Variants in C4orf51 observed in about 807,000 individuals in gnomAD.
C4orf51 encodes chromosome 4 open reading frame 51, also known as uncharacterized protein C4orf51.
A neutral mutation model predicts 25.2 loss-of-function variants in C4orf51; 25 were observed. The ratio of observed to expected loss-of-function variants is 0.99; its 90% confidence interval spans 0.72 to 1.39. The LOEUF (loss-of-function observed/expected upper bound fraction) is 1.39. C4orf51 is among the 40% of genes most tolerant of loss of function. The pLI is 0.00. For missense variants in C4orf51, 252 were observed against 239.6 expected, an observed-to-expected ratio of 1.05 and a Z score of -0.34; for synonymous variants, 100 against 84.5, an observed-to-expected ratio of 1.18 and a Z score of -1.01.
At chr4:145,774,434 G>C, downstream of C4orf51, 1 of 1,522,230 alleles carries the variant, frequency 6.6e-7, no homozygotes. Context: ...GGGATGCTTC[G>C]GCCAGGTGGC....
At chr4:145,770,715 A>T (rs985121937) in intron 1 of C4orf51, among the ~76,000 whole-genome samples, 2 of 152,218 alleles carry the variant, frequency 1.3e-5, no homozygotes, top group African/African-American at 4.8e-5. Context: ...TGATTGTATT[A>T]TATCCATGGA....
chr4:145,761,740 C>T lies in C4orf51; in HGVS notation n.167-9248C>T, dbSNP rs148827214. 1.8e-3 allele frequency: 817 copies of T among 454,690 alleles called. 7 individuals carry two copies. Among genetic ancestry groups the T allele is most frequent in the African/African-American group, 0.015 (743 of 48,464 alleles). 28.2% of individuals were successfully genotyped at this position (454,690 alleles called of 1,614,324 possible). A position where few individuals can be genotyped will look rare whatever the true frequency, so the allele number is the denominator to read the frequency against. ...GCCCAGCCCAGCCCAGCCCTGCCGC[C>T]TCTCAGGGGTGGAACGGCCCTTTTT... On this transcript the variant is annotated intron_variant and non_coding_transcript_variant, in intron 1 of 1. Coordinates refer to the C4orf51 transcript ENST00000510096. The surrounding 1 kb of genome is among the most constrained non-coding windows in gnomAD (Gnocchi z 6.8).
intron 1 of C4orf51, among the ~76,000 whole-genome samples, chr4:145,682,784 G>A (rs990688900): frequency 2.0e-5 from 3 of 152,140 alleles, no homozygotes; most frequent in Non-Finnish European, 4.4e-5. Flanking sequence ...TGAAATATTG[G>A]TGTCAATCCC....
At chr4:145,741,512 G>A (rs527574607) in intron 1 of C4orf51, among the ~76,000 whole-genome samples, 1 of 152,160 alleles carries the variant, frequency 6.6e-6, no homozygotes, top group East Asian at 1.9e-4. Context: ...AGGGTGACTT[G>A]ATAGAAAAAG....
chr4:145,760,835 G>C lies in C4orf51; in HGVS notation n.167-10153G>C, dbSNP rs546723275. Reference sequence around the variant, plus strand: ...AGATAGGCCAGGAAGGAGTGTTTGGGTGAGGGGATGCTGGGAGGCGCAGTC... The same window carrying C: ...AGATAGGCCAGGAAGGAGTGTTTGGCTGAGGGGATGCTGGGAGGCGCAGTC... On this transcript the variant is annotated intron_variant and non_coding_transcript_variant, in intron 1 of 1. Transcript: ENST00000510096. 5 of 1,205,082 alleles carry C rather than the reference G, an allele frequency of 4.1e-6. No individual in the cohort carries two copies. In the South Asian group the frequency reaches 6.0e-5, roughly 15 times the overall value. The allele number at this position is 1,205,082 out of a possible 1,614,324, so 74.6% of individuals were successfully genotyped here. A position where few individuals can be genotyped will look rare whatever the true frequency, so the allele number is the denominator to read the frequency against.
intron 1 of C4orf51, among the ~76,000 whole-genome samples, chr4:145,740,177 G>T (rs528902844): frequency 7.1e-6 from 1 of 140,638 alleles, no homozygotes; most frequent in African/African-American, 2.7e-5. Flanking sequence ...ATGTAACTAG[G>T]GCTCTATCTG....
chr4:145,765,611 C>T lies in C4orf51; in HGVS notation n.167-5377C>T. ...TCCCAGGCATGACAGAGATGACCAG[C>T]AGATTGTTCCCGCCCTTGTTTTTCT... On this transcript the variant is annotated intron_variant and non_coding_transcript_variant, in intron 1 of 1. Transcript: ENST00000510096. This position sits in a 1 kb window ranked among gnomAD's most constrained non-coding sequence, Gnocchi z 4.7. 6.2e-7 allele frequency: 1 copy of T among 1,614,134 alleles called. No individual in the cohort carries two copies. Among genetic ancestry groups the T allele is most frequent in the East Asian group, 2.2e-5 (1 of 44,874 alleles).
chr4:145,700,244 C>T (rs1469376403), intron 2 of C4orf51, among the ~76,000 whole-genome samples: 2 of 150,660 alleles, frequency 1.3e-5, no homozygotes, highest in Admixed American at 1.3e-4. Flanking sequence ...ACACCCCAAC[C>T]TCTTATCTCT....
chr4:145,729,504 T>C (rs1732327170), intron 4 of C4orf51, among the ~76,000 whole-genome samples: 1 of 152,060 alleles, frequency 6.6e-6, no homozygotes, highest in African/African-American at 2.4e-5. Flanking sequence ...GGTTTCACCG[T>C]GTTAGCCAGG....
intron 5 of C4orf51, among the ~76,000 whole-genome samples, chr4:145,730,771 CACCAGTTAT>C (rs1409182738): frequency 6.6e-6 from 1 of 151,854 alleles, no homozygotes; most frequent in Admixed American, 6.6e-5. Context: ...TCACAAGAAC[CACCAGTTAT>C]ACATACATTT....
At chr4:145,715,878 C>T (rs1013442004) in intron 2 of C4orf51, among the ~76,000 whole-genome samples, 1 of 152,090 alleles carries the variant, frequency 6.6e-6, no homozygotes, top group African/African-American at 2.4e-5. Context: ...TCATATTAGT[C>T]CCAGAATGTA....
At position 145,765,254 on chromosome 4, in the gene C4orf51, C is replaced by T. The variant is rs34284109; in HGVS notation, n.167-5734C>T. 110,101 of 1,386,966 alleles carry T rather than the reference C, an allele frequency of 0.079. 5,050 individuals are homozygous for T. The highest frequency in any genetic ancestry group is 0.095 in the Non-Finnish European group (98,110 of 1,037,134). The allele number at this position is 1,386,966 out of a possible 1,614,324, so 85.9% of individuals were successfully genotyped here. ...AGCCAAGCTCCTCCCCACTTCCTCC[C>T]GCCTCCTCCGACGCCTGACAGCTAT... On this transcript the variant is annotated intron_variant and non_coding_transcript_variant, in intron 1 of 1. Coordinates refer to the C4orf51 transcript ENST00000510096. This position sits in a 1 kb window ranked among gnomAD's most constrained non-coding sequence, Gnocchi z 4.7.
downstream of C4orf51, among the ~76,000 whole-genome samples, chr4:145,775,116 A>G (rs887401123): frequency 6.6e-6 from 1 of 152,094 alleles, no homozygotes; most frequent in African/African-American, 2.4e-5. Context: ...CAATGAAAGC[A>G]CCTACAGTTT....
At chr4:145,718,751 C>T (rs1237770266) in intron 2 of C4orf51, among the ~76,000 whole-genome samples, 2 of 152,224 alleles carry the variant, frequency 1.3e-5, no homozygotes, top group Non-Finnish European at 2.9e-5. Context: ...ACACCTTCTC[C>T]CACCTTTGCT....
intron 1 of C4orf51, among the ~76,000 whole-genome samples, chr4:145,750,459 G>T (rs1446356821): frequency 2.3e-5 from 3 of 127,806 alleles, no homozygotes; most frequent in African/African-American, 9.0e-5. Flanking sequence ...AATATGTCAT[G>T]CCACTCTCTC....
chr4:145,683,721 C>G (rs1262680585), intron 1 of C4orf51, among the ~76,000 whole-genome samples: 1 of 152,192 alleles, frequency 6.6e-6, no homozygotes, highest in African/African-American at 2.4e-5. Flanking sequence ...AGACACAGAC[C>G]TTATACCATT....
intron 1 of C4orf51, among the ~76,000 whole-genome samples, chr4:145,743,428 T>C (rs1407392727): frequency 6.6e-6 from 1 of 152,180 alleles, no homozygotes; most frequent in East Asian, 1.9e-4. Context: ...TAACTCATCT[T>C]TTTATGAAGA....
chr4:145,736,916 A>G (rs1732834123), downstream of C4orf51, among the ~76,000 whole-genome samples: 1 of 152,182 alleles, frequency 6.6e-6, no homozygotes, highest in Non-Finnish European at 1.5e-5. Context: ...CCTTCTGGGC[A>G]GAATAGTGGC....
downstream of C4orf51, among the ~76,000 whole-genome samples, chr4:145,733,879 C>T (rs545352905): frequency 2.0e-5 from 3 of 152,284 alleles, no homozygotes; most frequent in African/African-American, 7.2e-5. Flanking sequence ...AGAAAGGCCT[C>T]TGTTTAGGTT....
Sources: allele counts gnomAD v4.1 joint callset (sites outside exome capture counted in the v4.1 genomes callset), GRCh38; gene constraint gnomAD v4.1.1; non-coding constraint Gnocchi (gnomAD v3.1); transcripts MANE v1.5; gene names NCBI Gene and HGNC (gene_info 2026-07-23, HGNC 2026-07-21).